KDM3A: variants seen among roughly 807,000 people sequenced by gnomAD.
KDM3A encodes lysine demethylase 3A.
Under a neutral mutation model 158.0 loss-of-function variants are expected in KDM3A, and 60 were observed. That is an observed-to-expected ratio of 0.38 (90% CI 0.31 to 0.47). KDM3A has a LOEUF of 0.47. Among genes scored for constraint, KDM3A ranks in the 20% least tolerant of loss-of-function variants. The pLI is 0.99. For synonymous variants in KDM3A, 608 were observed against 549.3 expected (o/e 1.11, Z -1.49); for missense variants, 1,319 against 1,574.3 (o/e 0.84, Z 2.74).
intron 9 of KDM3A, 94 bp downstream of exon 9, chr2:86,464,310 T>C (rs1024249440): frequency 7.9e-5 from 75 of 954,784 alleles, no homozygotes; most frequent in Non-Finnish European, 9.8e-5. Flanking sequence ...TCCAGGGAGG[T>C]TTTTCGTTAG....
chr2:86,486,323 G>T (rs915700103), intron 21 of KDM3A, among the ~76,000 whole-genome samples: 2 of 152,152 alleles, frequency 1.3e-5, no homozygotes, highest in Non-Finnish European at 2.9e-5. Context: ...CTTTGAGTTG[G>T]ACTTTTATTC....
In KDM3A at chr2:86,464,140, A is replaced by T. The variant is rs774326483; in HGVS notation, c.931A>T (p.Ser311Cys). Residue 311 changes from serine (S) to cysteine (C), a missense_variant, in exon 9 of 26, where the codon AGT (serine) becomes TGT (cysteine). Transcript: ENST00000312912. ...LLGCTAATPP[S>C]KDPRQQSTPQ... Reference sequence around the variant, plus strand: ...TGGCTGTACTGCGGCAACTCCACCTAGTAAGGACCCAAGACAGCAAAGTAC... The same window carrying T: ...TGGCTGTACTGCGGCAACTCCACCTTGTAAGGACCCAAGACAGCAAAGTAC... The T allele has an allele frequency of 7.4e-6, 12 of 1,612,982 alleles. No homozygotes were observed. The highest frequency in any genetic ancestry group is 1.0e-5 in the Non-Finnish European group (12 of 1,179,278).
chr2:86,471,281 GTATATATGTATA>G (rs1673390997), intron 11 of KDM3A, among the ~76,000 whole-genome samples: 1 of 133,402 alleles, frequency 7.5e-6, no homozygotes, highest in Non-Finnish European at 1.5e-5. Flanking sequence ...ATATATGTGT[GTATATATGTATA>G]TATGTGTGTA....
intron 10 of KDM3A, among the ~76,000 whole-genome samples, chr2:86,467,680 A>C (rs1673216747): frequency 1.3e-5 from 2 of 152,182 alleles, no homozygotes; most frequent in Admixed American, 6.6e-5. Flanking sequence ...GAATTTAAAG[A>C]TGCCTTTTGA....
At chr2:86,474,701 T>TTG (rs369518183) in intron 11 of KDM3A, 75 bp from the exon 12 acceptor site, 32,508 of 424,612 alleles carry the variant, frequency 0.077, 799 homozygotes, top group African/African-American at 0.16. Flanking sequence ...TGTAAATAAG[T>TTG]TGTGTGTGTG....
upstream of KDM3A, among the ~76,000 whole-genome samples, chr2:86,440,234 T>C (rs548331463): frequency 3.7e-4 from 56 of 152,344 alleles, no homozygotes; most frequent in Non-Finnish European, 5.9e-4. Context: ...AATATGTATA[T>C]TGAAAATCAA....
At chr2:86,454,864 G>C (rs1284898572) in intron 4 of KDM3A, among the ~76,000 whole-genome samples, 1 of 152,074 alleles carries the variant, frequency 6.6e-6, no homozygotes, top group Non-Finnish European at 1.5e-5. Flanking sequence ...TTCTAGCTTG[G>C]GATGACTTTA....
At chr2:86,488,313 C>T (rs1199402178) in intron 21 of KDM3A, 1 of 152,154 alleles carries the variant, frequency 6.6e-6, no homozygotes, top group Non-Finnish European at 1.5e-5. Flanking sequence ...TAACTCATCA[C>T]CCAGTTATAT....
Position 86,474,982 on chromosome 2 carries a change from A to G in KDM3A, c.1931A>G (p.Glu644Gly). Residue 644 changes from glutamate to glycine, a missense_variant, in exon 12 of 26, where the codon GAG becomes GGG. Glu to Gly is a moderately conservative substitution (Grantham distance 98). Coordinates refer to ENST00000312912, the MANE Select transcript of KDM3A (RefSeq NM_018433.6). ...GAAAAGGAAGCTATGTCAACTATTG[A>G]GCCACACAGTAAGAGCATCTCTTAG... ...ISEKEAMSTI[E>G]PHRQVAWKRA... 6.2e-7 allele frequency: 1 copy of G among 1,613,816 alleles called. No individual in the cohort carries two copies.
upstream of KDM3A, among the ~76,000 whole-genome samples, chr2:86,440,032 G>A (rs747306420): frequency 4.2e-4 from 64 of 152,014 alleles, no homozygotes; most frequent in Admixed American, 1.8e-3. Flanking sequence ...CTGATGTTTG[G>A]ACTTTTCACA....
chr2:86,458,564 A>G (rs1285622020), intron 8 of KDM3A, among the ~76,000 whole-genome samples: 1 of 152,220 alleles, frequency 6.6e-6, no homozygotes, highest in Non-Finnish European at 1.5e-5. Context: ...TTCCTGTCTC[A>G]GATTCCATAG....
chr2:86,481,859 C>T lies in KDM3A; in HGVS notation c.2513-71C>T, dbSNP rs540033292. ...GAAAGCAAGTTCTAAAGTAATTCTGCTAGTAGAATACTAATAAGGGATTTG... is the reference window on the plus strand; with the variant it reads ...GAAAGCAAGTTCTAAAGTAATTCTGTTAGTAGAATACTAATAAGGGATTTG... On this transcript the variant is annotated intron_variant, in intron 16 of 25. Coordinates refer to ENST00000312912, the MANE Select transcript of KDM3A (RefSeq NM_018433.6). 2.6e-5 allele frequency: 30 copies of T among 1,161,766 alleles called. No homozygotes were observed. The East Asian group carries it at 6.9e-4, about 27-fold the overall frequency. 72.0% of individuals were successfully genotyped at this position (1,161,766 alleles called of 1,614,324 possible).
At chr2:86,479,799 G>A (rs979816191) in intron 15 of KDM3A, 6 of 167,428 alleles carry the variant, frequency 3.6e-5, no homozygotes, top group East Asian at 1.7e-4. Context: ...TCATTTATTC[G>A]TTTTTAACCA....
Position 86,491,124 on chromosome 2 carries a change from T to C in KDM3A, c.3751-17T>C. 6.2e-7 allele frequency: 1 copy of C among 1,613,854 alleles called. No homozygotes were observed. Among genetic ancestry groups the C allele is most frequent in the Non-Finnish European group, 8.5e-7 (1 of 1,179,778 alleles). ...ACTTTTGGGTTTGTTACTGATATAT[T>C]ACTTGGTGTTTTTCAGGTTCATAAC... On this transcript the variant is annotated splice_polypyrimidine_tract_variant and intron_variant, in intron 24 of 25. Transcript: ENST00000312912.
intron 11 of KDM3A, among the ~76,000 whole-genome samples, chr2:86,471,102 C>G (rs961729970): frequency 6.6e-6 from 1 of 152,030 alleles, no homozygotes; most frequent in Non-Finnish European, 1.5e-5. Flanking sequence ...CACCTGTGTC[C>G]TTGACAACTG....
At chr2:86,453,173 AGGGGCTGT>A (rs1342558626) in intron 4 of KDM3A, among the ~76,000 whole-genome samples, 1 of 152,170 alleles carries the variant, frequency 6.6e-6, no homozygotes, top group African/African-American at 2.4e-5. Context: ...TCTCGGGAAG[AGGGGCTGT>A]GGGGCTGTGA....
intron 8 of KDM3A, among the ~76,000 whole-genome samples, chr2:86,461,020 T>C (rs1233819452): frequency 6.6e-6 from 1 of 152,128 alleles, no homozygotes; most frequent in Non-Finnish European, 1.5e-5. Flanking sequence ...GGTGACAGAA[T>C]TGAGAAAATT....
chr2:86,472,149 T>C (rs1007324460), intron 11 of KDM3A, among the ~76,000 whole-genome samples: 7 of 125,070 alleles, frequency 5.6e-5, no homozygotes, highest in East Asian at 2.6e-4. Flanking sequence ...TTGTTCTTTG[T>C]AATATGATTA....
chr2:86,491,347 A>G, intron 25 of KDM3A, 72 bp downstream of exon 25: 2 of 1,501,414 alleles, frequency 1.3e-6, no homozygotes, highest in Non-Finnish European at 1.8e-6. Flanking sequence ...TCACCTTATA[A>G]AGAGAGTCAG....
Sources: allele counts gnomAD v4.1 joint callset (sites outside exome capture counted in the v4.1 genomes callset), GRCh38; gene constraint gnomAD v4.1.1; transcripts MANE v1.5; gene names NCBI Gene and HGNC (gene_info 2026-07-23, HGNC 2026-07-21).